The following GRM8 variants were observed in gnomAD, a reference collection of about 807,000 sequenced individuals.
The protein encoded by GRM8 is glutamate metabotropic receptor 8.
GRM8 carries 47 observed loss-of-function variants against 87.2 expected under a neutral mutation model. That is an observed-to-expected ratio of 0.54 (90% CI 0.43 to 0.69). The LOEUF is 0.69. GRM8 is among the 30% of genes least tolerant of loss of function. GRM8 has a pLI of 0.00. For synonymous variants in GRM8, 396 were observed against 404.5 expected (o/e 0.98, Z 0.25); for missense variants, 1,019 against 1,139.2 (o/e 0.89, Z 1.52).
rs190530591 is a variant in GRM8 at position 126,804,727 on chromosome 7, C to G, written c.1157-34662G>C. Among the ~76,000 whole-genome samples the G allele has an allele frequency of 6.6e-4, 101 of 152,304 alleles. 1 individual carries two copies. Among genetic ancestry groups the G allele is most frequent in the African/African-American group, 2.3e-3 (97 of 41,578 alleles). On this transcript the variant is annotated intron_variant, in intron 6 of 10. Coordinates refer to ENST00000339582, the MANE Select transcript of GRM8 (RefSeq NM_000845.3). Reference sequence around the variant, plus strand: ...CCCCTTTCTTTACGGCTGATTACAGCAACTTGGTTGTGGTAGTTGGTATGC... The same window carrying G: ...CCCCTTTCTTTACGGCTGATTACAGGAACTTGGTTGTGGTAGTTGGTATGC...
At chr7:127,149,697 G>A (rs1311800205) in intron 2 of GRM8, among the ~76,000 whole-genome samples, 3 of 152,020 alleles carry the variant, frequency 2.0e-5, no homozygotes, top group Non-Finnish European at 4.4e-5. Flanking sequence ...TTAAGAAACC[G>A]TGGTACAAAT....
chr7:126,553,188 T>C (rs1792774031), intron 8 of GRM8, among the ~76,000 whole-genome samples: 1 of 152,162 alleles, frequency 6.6e-6, no homozygotes, highest in Admixed American at 6.5e-5. Context: ...TTAAATTGGA[T>C]AGAGATTCTA....
At chr7:126,830,576 G>A (rs571089510) in intron 6 of GRM8, among the ~76,000 whole-genome samples, 1 of 152,116 alleles carries the variant, frequency 6.6e-6, no homozygotes, top group South Asian at 2.1e-4. Flanking sequence ...GCACTTCTCT[G>A]TATTGGTTAT....
chr7:127,162,705 A>G (rs532550839), intron 2 of GRM8, among the ~76,000 whole-genome samples: 27 of 152,310 alleles, frequency 1.8e-4, no homozygotes, highest in African/African-American at 6.5e-4. Context: ...CTTGTCTTAA[A>G]TGAACCAGAA....
intron 2 of GRM8, among the ~76,000 whole-genome samples, chr7:127,138,695 A>G (rs949445869): frequency 6.6e-6 from 1 of 152,132 alleles, no homozygotes; most frequent in Non-Finnish European, 1.5e-5. Flanking sequence ...ACACATACAC[A>G]CATATGCCAA....
At position 127,169,304 on chromosome 7, in the gene GRM8, C is replaced by A. The variant is rs548992089; in HGVS notation, c.511-62592G>T. ...AGAGTGGACTGGACAGAAGATCAAA[C>A]CAGCCAACACATTCCCTTAAGCCAA... On this transcript the variant is annotated intron_variant, in intron 2 of 10. Coordinates refer to ENST00000339582, the MANE Select transcript of GRM8 (RefSeq NM_000845.3). Among the ~76,000 whole-genome samples the A allele has an allele frequency of 6.6e-5, 10 of 152,268 alleles. No individual in the cohort carries two copies. In the East Asian group the frequency reaches 1.5e-3, roughly 24 times the overall value.
rs144099410 is a variant in GRM8, at chr7:126,691,230, G to T, written c.1357+78635C>A. On this transcript the variant is annotated intron_variant, in intron 7 of 10. Transcript: ENST00000339582. ...AGTCCAGAGGGGGCTAAGGTGGCAGGGGGCTGGTGTGTTAGTGCTGCCCCA... is the reference window on the plus strand; with the variant it reads ...AGTCCAGAGGGGGCTAAGGTGGCAGTGGGCTGGTGTGTTAGTGCTGCCCCA... Among the ~76,000 whole-genome samples the T allele has an allele frequency of 5.3e-5, 8 of 152,330 alleles. No individual in the cohort carries two copies. The East Asian group carries it at 1.6e-3, about 30-fold the overall frequency.
chr7:126,523,657 C>G (rs1813362843), intron 9 of GRM8, among the ~76,000 whole-genome samples: 1 of 152,020 alleles, frequency 6.6e-6, no homozygotes, highest in Non-Finnish European at 1.5e-5. Flanking sequence ...GCAATCATGC[C>G]AGGCTAATTT....
chr7:126,986,590 A>T (rs1812097366), intron 3 of GRM8, among the ~76,000 whole-genome samples: 1 of 152,196 alleles, frequency 6.6e-6, no homozygotes, highest in South Asian at 2.1e-4. Flanking sequence ...ACCTCTTGAA[A>T]AATGTTCAAA....
At chr7:126,886,690 A>G (rs1800533034) in intron 6 of GRM8, among the ~76,000 whole-genome samples, 1 of 152,150 alleles carries the variant, frequency 6.6e-6, no homozygotes. Flanking sequence ...TTGCTAATTC[A>G]TCTTATACTG....
chr7:126,859,450 A>G (rs541450777), intron 6 of GRM8, among the ~76,000 whole-genome samples: 18 of 152,174 alleles, frequency 1.2e-4, no homozygotes, highest in Non-Finnish European at 2.5e-4. Flanking sequence ...GGAAAGAGAA[A>G]GGAACAAGAA....
At chr7:127,003,774 G>A (rs2132051049) in intron 3 of GRM8, among the ~76,000 whole-genome samples, 1 of 151,800 alleles carries the variant, frequency 6.6e-6, no homozygotes, top group African/African-American at 2.4e-5. Flanking sequence ...GTCAGCATAG[G>A]ATACAGAAGA....
chr7:126,474,708 C>A (rs1288744966), intron 9 of GRM8, among the ~76,000 whole-genome samples: 1 of 152,094 alleles, frequency 6.6e-6, no homozygotes, highest in Non-Finnish European at 1.5e-5. Context: ...CCTAGGCTTG[C>A]AGGGGAGGGT....
chr7:126,533,540 C>T lies in GRM8; in HGVS notation c.1842G>A (p.Val614=), dbSNP rs773126440. ...AACTAAGTTCGCGTCCTGAAGCCCTCACGATAGGTGTGTCATTATAGCGGA... is the reference window on the plus strand; with the variant it reads ...AACTAAGTTCGCGTCCTGAAGCCCTTACGATAGGTGTGTCATTATAGCGGA... The part of the protein sequence containing the change: ...TFVRYNDTPI[V]RASGRELSYV... The change falls in exon 9 of 11, where the codon GTG becomes GTA. Residue 614 remains valine (V), a synonymous_variant. Coordinates refer to ENST00000339582, the MANE Select transcript of GRM8 (RefSeq NM_000845.3). 1 of 1,614,100 alleles carries T rather than the reference C, an allele frequency of 6.2e-7. No homozygotes were observed. The highest frequency in any genetic ancestry group is 8.5e-7 in the Non-Finnish European group (1 of 1,179,998).
intron 2 of GRM8, among the ~76,000 whole-genome samples, chr7:127,183,052 AAAAT>A (rs566295531): frequency 6.6e-6 from 1 of 151,946 alleles, no homozygotes; most frequent in East Asian, 1.9e-4. Flanking sequence ...TGGAAAAATT[AAAAT>A]AAATAAATAA....
chr7:126,481,609 C>T (rs1206938947), intron 9 of GRM8, among the ~76,000 whole-genome samples: 1 of 151,768 alleles, frequency 6.6e-6, no homozygotes, highest in African/African-American at 2.4e-5. Context: ...ATGAAGTTAA[C>T]TGACCAGTAC....
chr7:127,167,069 T>G (rs1793497288), intron 2 of GRM8, among the ~76,000 whole-genome samples: 1 of 152,164 alleles, frequency 6.6e-6, no homozygotes, highest in East Asian at 1.9e-4. Context: ...TTTTAAAATC[T>G]GGGCATAGAA....
chr7:127,146,307 T>A (rs893905002), intron 2 of GRM8, among the ~76,000 whole-genome samples: 1 of 152,068 alleles, frequency 6.6e-6, no homozygotes, highest in Non-Finnish European at 1.5e-5. Context: ...AGGGGCACTC[T>A]GTCGCTGAAG....
intron 9 of GRM8, among the ~76,000 whole-genome samples, chr7:126,468,532 A>G (rs1804772322): frequency 6.6e-6 from 1 of 151,950 alleles, no homozygotes; most frequent in African/African-American, 2.4e-5. Flanking sequence ...TCAATCCTAC[A>G]ATTTCCTGTG....
Sources: gnomAD v4.1 joint callset for allele counts (sites outside exome capture counted in the v4.1 genomes callset) on GRCh38, gnomAD v4.1.1 for gene constraint, MANE v1.5 for transcripts, NCBI Gene and HGNC (gene_info 2026-07-23, HGNC 2026-07-21) for gene names.